Variants in LMNB1 observed in about 807,000 individuals in gnomAD.
The protein encoded by LMNB1 is lamin B1.
LMNB1 carries 23 observed loss-of-function variants against 67.1 expected under a neutral mutation model. The ratio of observed to expected loss-of-function variants is 0.34; its 90% CI spans 0.25 to 0.49. LMNB1 has a LOEUF of 0.49. Ranked by LOEUF, LMNB1 falls within the 20% of genes least tolerant of loss-of-function variation. LMNB1 has a pLI of 0.99. For missense variants in LMNB1, 634 were observed against 746.5 expected (o/e 0.85, Z 1.76); for synonymous variants, 281 against 282.9 (o/e 0.99, Z 0.07).
chr5:126,830,498 A>AT (rs1561755587), intron 9 of LMNB1, among the ~76,000 whole-genome samples: 1 of 152,028 alleles, frequency 6.6e-6, no homozygotes, highest in Non-Finnish European at 1.5e-5. Context: ...TAGCTCACCC[A>AT]TTTTTTATAC....
Position 126,777,193 on chromosome 5 carries a change from A to T in LMNB1, c.-316A>T, listed in dbSNP as rs1469782539. On this transcript the variant is annotated 5_prime_UTR_variant, in exon 1 of 11. Coordinates refer to ENST00000261366, the MANE Select transcript of LMNB1 (RefSeq NM_005573.4). ...GCGAGCAGGAGACGGCGGCGGCGCG[A>T]ACCCTGCTGGGCCTCCAGTCACCCT... is the stretch of plus-strand genomic sequence containing the variant. 1 of 228,680 alleles carries T rather than the reference A, an allele frequency of 4.4e-6. No homozygotes were observed. Among genetic ancestry groups the T allele is most frequent in the Non-Finnish European group, 8.5e-6 (1 of 118,252 alleles). The allele number at this position is 228,680 out of a possible 1,614,324, so 14.2% of individuals were successfully genotyped here.
At chr5:126,820,281 A>G (rs1017382424) in intron 6 of LMNB1, among the ~76,000 whole-genome samples, 4 of 152,234 alleles carry the variant, frequency 2.6e-5, no homozygotes, top group East Asian at 1.9e-4. Flanking sequence ...TACACCAACT[A>G]TAACAGTGGC....
intron 1 of LMNB1, among the ~76,000 whole-genome samples, chr5:126,800,982 A>ATATATATATATATTTTTTTTTT: frequency 2.1e-4 from 4 of 18,628 alleles, no homozygotes; most frequent in Non-Finnish European, 3.1e-4. Flanking sequence ...TATATATATA[A>ATATATATATATATTTTTTTTTT]TTTTTTTTTT....
In LMNB1 at chr5:126,777,565, C is replaced by T. The variant is rs951630163; in HGVS notation, c.57C>T (p.Thr19=). 1 of 1,472,992 alleles carries T rather than the reference C, an allele frequency of 6.8e-7. No individual in the cohort carries two copies. Among genetic ancestry groups the T allele is most frequent in the Non-Finnish European group, 9.0e-7 (1 of 1,108,752 alleles). The allele number at this position is 1,472,992 out of a possible 1,614,324, so 91.2% of individuals were successfully genotyped here. A position where few individuals can be genotyped will look rare whatever the true frequency, so the allele number is the denominator to read the frequency against. ...PRMGSRAGGP[T]TPLSPTRLSR... Reference sequence around the variant, plus strand: ...TGGGCAGCCGCGCTGGCGGCCCCACCACGCCGCTGAGCCCCACGCGCCTGT... The same window carrying T: ...TGGGCAGCCGCGCTGGCGGCCCCACTACGCCGCTGAGCCCCACGCGCCTGT... Residue 19 remains threonine (T), a synonymous_variant, in exon 1 of 11, where the codon ACC becomes ACT. Coordinates refer to ENST00000261366, the MANE Select transcript of LMNB1 (RefSeq NM_005573.4).
chr5:126,804,693 T>G, intron 1 of LMNB1, 83 bp from the exon 2 acceptor site: 1 of 1,273,452 alleles, frequency 7.9e-7, no homozygotes, highest in East Asian at 2.5e-5. Flanking sequence ...ACTACTTCTT[T>G]TGTTTGTCCC....
intron 5 of LMNB1, among the ~76,000 whole-genome samples, chr5:126,812,281 A>G (rs934132087): frequency 4.6e-5 from 7 of 152,258 alleles, no homozygotes; most frequent in African/African-American, 1.7e-4. Flanking sequence ...GAAGAAAAAC[A>G]TGCAAAAATT....
chr5:126,833,304 G>T lies in LMNB1; in HGVS notation c.1719+503G>T, dbSNP rs148583419. On this transcript the variant is annotated intron_variant, in intron 10 of 10. Transcript: ENST00000261366. ...GGCTTTTGAGAGCCCTTGAAATAAA[G>T]AAACTCCAAATTTGGTTTTAATTAT... Among the ~76,000 whole-genome samples the T allele has an allele frequency of 6.3e-3, 940 of 149,608 alleles. 7 individuals carry two copies. The highest frequency in any genetic ancestry group is 0.017 in the Middle Eastern group (5 of 294).
chr5:126,791,582 G>C (rs1750960933), intron 1 of LMNB1, among the ~76,000 whole-genome samples: 1 of 149,934 alleles, frequency 6.7e-6, no homozygotes, highest in Non-Finnish European at 1.5e-5. Flanking sequence ...CTTAGCCTCT[G>C]GAGTAGTTGG....
At chr5:126,811,582 A>C (rs1482796306) in intron 4 of LMNB1, 191 bp from the exon 5 acceptor site, 1 of 427,772 alleles carries the variant, frequency 2.3e-6, no homozygotes, top group Non-Finnish European at 4.3e-6. Flanking sequence ...CTCATTATTT[A>C]GGAAGTGACT....
intron 4 of LMNB1, 27 bp from the exon 5 acceptor site, chr5:126,811,746 C>T (rs114024653): frequency 0.02 from 31,266 of 1,588,142 alleles, 418 homozygotes; most frequent in Middle Eastern, 0.099. Context: ...CTAGATAAGA[C>T]TGACTATGCT....
intron 1 of LMNB1, among the ~76,000 whole-genome samples, chr5:126,795,869 G>A (rs946306383): frequency 2.1e-4 from 31 of 150,072 alleles, no homozygotes; most frequent in East Asian, 2.0e-4. Flanking sequence ...CTCATGATCC[G>A]CCTTCCTTGG....
intron 1 of LMNB1, among the ~76,000 whole-genome samples, chr5:126,793,673 G>A (rs1751021824): frequency 6.6e-6 from 1 of 152,046 alleles, no homozygotes; most frequent in Non-Finnish European, 1.5e-5. Flanking sequence ...TCAGGGGTTC[G>A]AGACCAGCCT....
In LMNB1 at chr5:126,822,775, GTGTAGGATCAACCAA is replaced by G; in HGVS notation, c.1387-3_1398del. ...TAACACCCCTCACCCTCCTTTCTGTGTGTAGGATCAACCAATGGGAGGCTGGGAGATGATCAGAAA... is the reference window on the plus strand; with the variant it reads ...TAACACCCCTCACCCTCCTTTCTGTGTGGGAGGCTGGGAGATGATCAGAAA... On this transcript the variant is annotated splice_acceptor_variant and splice_polypyrimidine_tract_variant and coding_sequence_variant and intron_variant, in exon 8 of 11. Coordinates refer to ENST00000261366, the MANE Select transcript of LMNB1 (RefSeq NM_005573.4). LOFTEE classifies it high-confidence loss of function. 1 of 1,572,442 alleles carries G rather than the reference GTGTAGGATCAACCAA, an allele frequency of 6.4e-7. No homozygotes were observed. The highest frequency in any genetic ancestry group is 8.7e-7 in the Non-Finnish European group (1 of 1,142,866).
intron 5 of LMNB1, among the ~76,000 whole-genome samples, chr5:126,812,244 T>C (rs942904504): frequency 3.3e-5 from 5 of 152,230 alleles, no homozygotes; most frequent in Non-Finnish European, 5.9e-5. Context: ...AACACCTTCC[T>C]TTTTTATATC....
intron 9 of LMNB1, among the ~76,000 whole-genome samples, chr5:126,830,335 A>G (rs1206808962): frequency 6.6e-6 from 1 of 152,248 alleles, no homozygotes; most frequent in African/African-American, 2.4e-5. Context: ...CCTGTCATGT[A>G]AGACTATTTA....
At chr5:126,797,683 A>C (rs1751137391) in intron 1 of LMNB1, among the ~76,000 whole-genome samples, 1 of 152,218 alleles carries the variant, frequency 6.6e-6, no homozygotes, top group Admixed American at 6.5e-5. Context: ...TGATGAATGA[A>C]AAATAATATG....
intron 2 of LMNB1, 131 bp downstream of exon 2, chr5:126,805,063 T>A: frequency 3.6e-6 from 3 of 824,496 alleles, no homozygotes; most frequent in Non-Finnish European, 5.5e-6. Flanking sequence ...TGTTTTCTGA[T>A]GGTTTACTTG....
At chr5:126,800,644 C>CTTTTTT (rs35363581) in intron 1 of LMNB1, among the ~76,000 whole-genome samples, 1 of 53,926 alleles carries the variant, frequency 1.9e-5, no homozygotes. Flanking sequence ...ACTGTATCTT[C>CTTTTTT]TTTTTTTTTT....
At chr5:126,797,508 T>G (rs1044838129) in intron 1 of LMNB1, among the ~76,000 whole-genome samples, 6 of 152,192 alleles carry the variant, frequency 3.9e-5, no homozygotes, top group African/African-American at 1.4e-4. Flanking sequence ...TAATTTAGGA[T>G]TCCTATCTAA....
Sources: gnomAD v4.1 joint callset for allele counts (sites outside exome capture counted in the v4.1 genomes callset) on GRCh38, gnomAD v4.1.1 for gene constraint, MANE v1.5 for transcripts, NCBI Gene and HGNC (gene_info 2026-07-23, HGNC 2026-07-21) for gene names.